CIAPIN1: variants seen among roughly 807,000 people sequenced by gnomAD.
CIAPIN1 encodes cytokine induced apoptosis inhibitor 1.
A neutral mutation model predicts 34.3 loss-of-function variants in CIAPIN1; 18 were observed. That is an observed-to-expected ratio of 0.52 (90% CI 0.36 to 0.78). The LOEUF (loss-of-function observed/expected upper bound fraction) is 0.78, where lower values mean the gene tolerates loss of function less well. Among genes scored for constraint, CIAPIN1 ranks in the 30% least tolerant of loss-of-function variants. The pLI, the probability that CIAPIN1 is intolerant of heterozygous loss-of-function variation, is 0.00. For synonymous variants in CIAPIN1, 131 were observed against 140.4 expected (o/e 0.93, Z 0.47); for missense variants, 310 against 372.5 (o/e 0.83, Z 1.38).
At chr16:57,429,496 T>C (rs1903031337) in intron 8 of CIAPIN1, among the ~76,000 whole-genome samples, 1 of 152,124 alleles carries the variant, frequency 6.6e-6, no homozygotes, top group African/African-American at 2.4e-5. Flanking sequence ...CATAGTTCTT[T>C]TTTTTTTGTT....
chr16:57,444,187 T>G (rs912172979), intron 1 of CIAPIN1, among the ~76,000 whole-genome samples: 1 of 152,232 alleles, frequency 6.6e-6, no homozygotes, highest in Non-Finnish European at 1.5e-5. Flanking sequence ...TAGGGTTCTA[T>G]TTACCACTGG....
At chr16:57,430,136 G>A (rs1042408787) in intron 8 of CIAPIN1, 122 bp downstream of exon 8, 55 of 812,336 alleles carry the variant, frequency 6.8e-5, no homozygotes, top group East Asian at 3.2e-4. Context: ...ACCTACGTTC[G>A]TGTGCTCACG....
At chr16:57,439,819 T>C (rs1429825548) in intron 2 of CIAPIN1, among the ~76,000 whole-genome samples, 2 of 152,196 alleles carry the variant, frequency 1.3e-5, no homozygotes, top group African/African-American at 4.8e-5. Context: ...AAGCTGAGGA[T>C]GTATGTTGCC....
rs751037117 is a variant in CIAPIN1 at position 57,445,834 on chromosome 16, GTTTTTTTTTTTTTTT to G, written c.-56+1493_-56+1507del. On this transcript the variant is annotated intron_variant, in intron 1 of 8. Transcript: ENST00000394391. ...AGACACTTAGACTAAGACCTTAGAGGTTTTTTTTTTTTTTTTTTTTTTTTTTTTTTTGGCAGAGTC... is the reference window on the plus strand; with the variant it reads ...AGACACTTAGACTAAGACCTTAGAGGTTTTTTTTTTTTTTTTGGCAGAGTC... 1.3e-4 allele frequency among the ~76,000 whole-genome samples: 9 copies of G among 70,494 alleles called. No individual in the cohort carries two copies. The East Asian group carries it at 1.5e-3, about 12-fold the overall frequency. 46.2% of individuals were successfully genotyped at this position (70,494 alleles called of 152,430 possible).
chr16:57,430,485 T>C, intron 7 of CIAPIN1, 146 bp from the exon 8 acceptor site: 1 of 672,968 alleles, frequency 1.5e-6, no homozygotes, highest in Non-Finnish European at 2.6e-6. Flanking sequence ...ACAGCAGCAA[T>C]ATGAGAGGCT....
rs1160065873 is a variant in CIAPIN1 at position 57,429,004 on chromosome 16, C to T, written c.*166G>A. 8.2e-6 allele frequency: 5 copies of T among 610,740 alleles called. No homozygotes were observed. Among genetic ancestry groups the T allele is most frequent in the African/African-American group, 3.7e-5 (2 of 54,094 alleles). The allele number at this position is 610,740 out of a possible 1,614,324, so 37.8% of individuals were successfully genotyped here. On this transcript the variant is annotated 3_prime_UTR_variant, in exon 9 of 9. Transcript: ENST00000394391. ...GGTCTTTTGATACACAGCAGCACTA[C>T]ACACCACTGTGCCCCCCAGCCAGCT...
chr16:57,439,935 G>A (rs112577092), intron 2 of CIAPIN1, among the ~76,000 whole-genome samples: 6,818 of 152,292 alleles, frequency 0.045, 189 homozygotes, highest in Middle Eastern at 0.085. Flanking sequence ...GGATAACAGC[G>A]ATGTTCAGGG....
chr16:57,441,214 G>A (rs2146570300), intron 1 of CIAPIN1: 1 of 236,672 alleles, frequency 4.2e-6, no homozygotes, highest in East Asian at 9.4e-5. Context: ...GAAGAGTCAA[G>A]AAAGGGGATT....
At chr16:57,434,774 G>A (rs1361785187) in intron 4 of CIAPIN1, among the ~76,000 whole-genome samples, 4 of 152,186 alleles carry the variant, frequency 2.6e-5, no homozygotes, top group African/African-American at 9.7e-5. Context: ...AAGTAGGTAA[G>A]TGTCTATGAT....
Position 57,434,102 on chromosome 16 carries a change from A to T in CIAPIN1, c.498T>A (p.Phe166Leu), listed in dbSNP as rs774474867. ...FVQITGKKPN[F>L]EVGSSRQLKL... The stretch of plus-strand genomic sequence containing the variant: ...TAAGCTGCCTAGAAGAACCCACTTC[A>T]AAGTTTGGTTTTTTGCCTGTGATCT... Residue 166 changes from phenylalanine to leucine, a missense_variant, in exon 5 of 9, where the codon TTT becomes TTA. Phe to Leu is a conservative substitution (Grantham distance 22). Transcript: ENST00000394391. The T allele has an allele frequency of 5.0e-6, 8 of 1,614,208 alleles. No individual in the cohort carries two copies. The Admixed American group carries it at 1.3e-4, about 27-fold the overall frequency.
At chr16:57,437,320 G>C (rs1167434985) in intron 3 of CIAPIN1, among the ~76,000 whole-genome samples, 1 of 152,016 alleles carries the variant, frequency 6.6e-6, no homozygotes, top group Non-Finnish European at 1.5e-5. Flanking sequence ...AACAGGCTTT[G>C]TGTTAGATGA....
At chr16:57,445,615 C>T (rs368730708) in intron 1 of CIAPIN1, among the ~76,000 whole-genome samples, 131 of 152,324 alleles carry the variant, frequency 8.6e-4, no homozygotes, top group African/African-American at 3.0e-3. Flanking sequence ...GTGGGCCTAA[C>T]CAGCCTGCTG....
intron 1 of CIAPIN1, among the ~76,000 whole-genome samples, chr16:57,443,130 TTTG>T (rs1418422359): frequency 4.9e-5 from 7 of 143,400 alleles, no homozygotes; most frequent in Non-Finnish European, 9.1e-5. Context: ...TAATTCTGGT[TTTG>T]TTTTTTTTTT....
chr16:57,442,500 A>C (rs2029891042), intron 1 of CIAPIN1, among the ~76,000 whole-genome samples: 1 of 152,136 alleles, frequency 6.6e-6, no homozygotes, highest in African/African-American at 2.4e-5. Flanking sequence ...ATCTCTACTA[A>C]AAATACAAAA....
At chr16:57,435,104 A>G (rs377360588) in intron 4 of CIAPIN1, among the ~76,000 whole-genome samples, 2 of 152,198 alleles carry the variant, frequency 1.3e-5, no homozygotes, top group Admixed American at 1.3e-4. Context: ...TGACTGGATC[A>G]TGGGGGCAGA....
At chr16:57,446,998 AC>A (rs1255070968) in intron 1 of CIAPIN1, among the ~76,000 whole-genome samples, 15 of 152,156 alleles carry the variant, frequency 9.9e-5, no homozygotes, top group African/African-American at 3.4e-4. Flanking sequence ...TACTGGTAGG[AC>A]CGGGTCTCAG....
Position 57,432,511 on chromosome 16 carries a change from G to A in CIAPIN1, c.606C>T (p.Ala202=). 1 of 1,613,554 alleles carries A rather than the reference G, an allele frequency of 6.2e-7. No homozygotes were observed. The highest frequency in any genetic ancestry group is 8.5e-7 in the Non-Finnish European group (1 of 1,179,908). ...PAAAKLWTLS[A]NDMEDDSMDL... is the part of the protein sequence containing the mutation. ...CCATGCTGTCGTCCTCCATATCGTT[G>A]GCTGAGAGGGTCCACAGCTTGGCAG... The change falls in exon 6 of 9, where the codon GCC becomes GCT. Residue 202 remains alanine, a synonymous_variant. Coordinates refer to ENST00000394391, the MANE Select transcript of CIAPIN1 (RefSeq NM_020313.4).
intron 2 of CIAPIN1, 26 bp downstream of exon 2, chr16:57,440,746 T>A: frequency 6.3e-7 from 1 of 1,592,818 alleles, no homozygotes; most frequent in Non-Finnish European, 8.6e-7. Flanking sequence ...TCCAGCCTCA[T>A]AAAGACAACG....
intron 3 of CIAPIN1, 98 bp downstream of exon 3, chr16:57,439,084 C>T: frequency 8.3e-7 from 1 of 1,198,074 alleles, no homozygotes; most frequent in African/African-American, 1.5e-5. Context: ...TACAGGAATA[C>T]TGATCTCCCA....
Sources: allele counts gnomAD v4.1 joint callset (sites outside exome capture counted in the v4.1 genomes callset), GRCh38; gene constraint gnomAD v4.1.1; transcripts MANE v1.5; gene names NCBI Gene and HGNC (gene_info 2026-07-23, HGNC 2026-07-21).